The following MED9 variants were observed in gnomAD, a reference collection of about 807,000 sequenced individuals.
MED9 encodes the protein mediator complex subunit 9.
In MED9, 8 loss-of-function variants were observed where a neutral mutation model predicts 13.2. The ratio of observed to expected loss-of-function variants is 0.61; its 90% confidence interval spans 0.36 to 1.10. MED9 has a LOEUF of 1.10. Ranked by LOEUF, MED9 falls within the 50% of genes least tolerant of loss-of-function variation. The pLI, the probability that MED9 is intolerant of heterozygous loss-of-function variation, is 0.02. For synonymous variants in MED9, 87 were observed against 82.8 expected (o/e 1.05, Z -0.28); for missense variants, 180 against 193.4 (o/e 0.93, Z 0.41).
intron 1 of MED9, among the ~76,000 whole-genome samples, chr17:17,488,868 A>T (rs1905184505): frequency 6.6e-6 from 1 of 151,906 alleles, no homozygotes; most frequent in Admixed American, 6.6e-5. Flanking sequence ...ACAGTACCAC[A>T]GTAGTTGGGA....
Position 17,477,207 on chromosome 17 carries a change from C to G in MED9, c.166C>G (p.Arg56Gly), listed in dbSNP as rs1357446847. 6.2e-7 allele frequency: 1 copy of G among 1,610,600 alleles called. No homozygotes were observed. Among genetic ancestry groups the G allele is most frequent in the Admixed American group, 1.7e-5 (1 of 59,774 alleles). ...SPAPRPQSPARAREEENYSFL... is the reference protein window; with the variant it reads ...SPAPRPQSPAGAREEENYSFL... ...GGCGCCACGGCCTCAGTCACCTGCC[C>G]GCGCGAGGGAGGAAGAGAACTACTC... The change falls in exon 1 of 2, where the codon CGC becomes GGC. Residue 56 changes from arginine to glycine, a missense_variant. Coordinates refer to ENST00000268711, the MANE Select transcript of MED9 (RefSeq NM_018019.3).
intron 1 of MED9, among the ~76,000 whole-genome samples, chr17:17,482,671 TC>T (rs1905051491): frequency 6.6e-6 from 1 of 152,204 alleles, no homozygotes; most frequent in Non-Finnish European, 1.5e-5. Context: ...TGAGTTTTGG[TC>T]CTACTTAGAA....
At chr17:17,482,624 TGTA>T (rs1567636091) in intron 1 of MED9, among the ~76,000 whole-genome samples, 1 of 152,218 alleles carries the variant, frequency 6.6e-6, no homozygotes, top group African/African-American at 2.4e-5. Context: ...TATAATTTCA[TGTA>T]GTCAGATTTG....
intron 1 of MED9, chr17:17,477,592 A>C (rs1904946730): frequency 3.5e-6 from 1 of 288,642 alleles, no homozygotes; most frequent in Admixed American, 4.8e-5. Context: ...TCTCACCTTT[A>C]ATGTTGGTAA....
At chr17:17,485,584 C>T (rs950246825) in intron 1 of MED9, 46 of 363,520 alleles carry the variant, frequency 1.3e-4, no homozygotes, top group East Asian at 1.3e-3. Flanking sequence ...GGGGTCCTAG[C>T]GTGGCCAGTA....
At chr17:17,479,626 A>G (rs1904993866) in intron 1 of MED9, among the ~76,000 whole-genome samples, 1 of 152,036 alleles carries the variant, frequency 6.6e-6, no homozygotes, top group Admixed American at 6.6e-5. Flanking sequence ...GGAGTTCAAG[A>G]CCAGCCTGGG....
intron 1 of MED9, among the ~76,000 whole-genome samples, chr17:17,480,489 T>C (rs940852184): frequency 6.6e-6 from 1 of 152,102 alleles, no homozygotes; most frequent in African/African-American, 2.4e-5. Context: ...AGAAACCCCC[T>C]GGTAAGAAAG....
intron 1 of MED9, 47 bp downstream of exon 1, chr17:17,477,312 CCT>C (rs765439284): frequency 1.1e-5 from 16 of 1,512,262 alleles, no homozygotes; most frequent in Middle Eastern, 1.8e-4. Flanking sequence ...TCCAGCTTCT[CCT>C]CTCAGCCGTT....
chr17:17,491,493 TAG>T lies in MED9; in HGVS notation c.*1_*2del, dbSNP rs1905227026. The T allele has an allele frequency of 1.2e-6, 2 of 1,608,784 alleles. No homozygotes were observed. Among genetic ancestry groups the T allele is most frequent in the Non-Finnish European group, 1.7e-6 (2 of 1,175,636 alleles). ...SLCMFEIPKE[*>X] The stretch of plus-strand genomic sequence containing the variant: ...CTGCATGTTCGAAATCCCCAAGGAG[TAG>T]AGTGAGGCTGACTTCCTTAGAAAGA... On this transcript the variant is annotated frameshift_variant and stop_lost, in exon 2 of 2. Transcript: ENST00000268711. LOFTEE classifies it high-confidence loss of function.
chr17:17,478,851 C>G (rs34087993), intron 1 of MED9, among the ~76,000 whole-genome samples: 5 of 149,982 alleles, frequency 3.3e-5, no homozygotes, highest in African/African-American at 1.2e-4. Flanking sequence ...GAGCAAGACT[C>G]TGCCTCAAAA....
At chr17:17,488,816 A>C (rs1205303161) in intron 1 of MED9, among the ~76,000 whole-genome samples, 1 of 151,694 alleles carries the variant, frequency 6.6e-6, no homozygotes, top group Non-Finnish European at 1.5e-5. Context: ...CTGGGCAACG[A>C]GTAAAACTCT....
chr17:17,478,781 C>T (rs930982461), intron 1 of MED9, among the ~76,000 whole-genome samples: 9 of 151,512 alleles, frequency 5.9e-5, no homozygotes, highest in African/African-American at 1.9e-4. Flanking sequence ...CACTTGAACC[C>T]GGGAGGTGGA....
rs774398176 is a variant in MED9, at chr17:17,491,598, A to T, written c.*103A>T. 9.1e-7 allele frequency: 1 copy of T among 1,101,002 alleles called. No homozygotes were observed. Among genetic ancestry groups the T allele is most frequent in the Non-Finnish European group, 1.3e-6 (1 of 752,910 alleles). 68.2% of individuals were successfully genotyped at this position (1,101,002 alleles called of 1,614,324 possible). A position where few individuals can be genotyped will look rare whatever the true frequency, so the allele number is the denominator to read the frequency against. On this transcript the variant is annotated 3_prime_UTR_variant, in exon 2 of 2. Coordinates refer to ENST00000268711, the MANE Select transcript of MED9 (RefSeq NM_018019.3). ...GCGTGGTTCCTGTGGACCCCAGCTCAGCTCGTCAAGCTGCAGGGGCGGGGC... is the reference window on the plus strand; with the variant it reads ...GCGTGGTTCCTGTGGACCCCAGCTCTGCTCGTCAAGCTGCAGGGGCGGGGC...
At position 17,491,725 on chromosome 17, in the gene MED9, C is replaced by T; in HGVS notation, c.*230C>T. 1 of 518,718 alleles carries T rather than the reference C, an allele frequency of 1.9e-6. No homozygotes were observed. The highest frequency in any genetic ancestry group is 3.5e-6 in the Non-Finnish European group (1 of 288,330). 32.1% of individuals were successfully genotyped at this position (518,718 alleles called of 1,614,324 possible). A position where few individuals can be genotyped will look rare whatever the true frequency, so the allele number is the denominator to read the frequency against. ...ATCCATATGTCTAGATGCATAATAACTGGAGTGCCTGCTGGTGGAAGTCAG... is the reference window on the plus strand; with the variant it reads ...ATCCATATGTCTAGATGCATAATAATTGGAGTGCCTGCTGGTGGAAGTCAG... On this transcript the variant is annotated 3_prime_UTR_variant, in exon 2 of 2. Transcript: ENST00000268711.
intron 1 of MED9, among the ~76,000 whole-genome samples, chr17:17,490,890 T>G (rs927602700): frequency 3.3e-5 from 5 of 152,238 alleles, no homozygotes; most frequent in Non-Finnish European, 7.3e-5. Context: ...AACCAACATG[T>G]TCATGAGCTT....
Position 17,492,245 on chromosome 17 carries a change from GC to G in MED9, c.*751del, listed in dbSNP as rs1567641505. Reference sequence around the variant, plus strand: ...GTCAGTGCCCAAGAGTGGCCAAACCGCTTCACATCTGCAGTGCTTCCCCAGG... The same window carrying G: ...GTCAGTGCCCAAGAGTGGCCAAACCGTTCACATCTGCAGTGCTTCCCCAGG... On this transcript the variant is annotated 3_prime_UTR_variant, in exon 2 of 2. Transcript: ENST00000268711. 1 of 152,592 alleles carries G rather than the reference GC, an allele frequency of 6.6e-6. No individual in the cohort carries two copies. The highest frequency in any genetic ancestry group is 1.5e-5 in the Non-Finnish European group (1 of 68,366). 9.5% of individuals were successfully genotyped at this position (152,592 alleles called of 1,614,324 possible).
chr17:17,488,897 G>C (rs1318820915), intron 1 of MED9, among the ~76,000 whole-genome samples: 1 of 151,938 alleles, frequency 6.6e-6, no homozygotes, highest in African/African-American at 2.4e-5. Flanking sequence ...CTCTGACCTT[G>C]CCTTGTTTGT....
Position 17,491,464 on chromosome 17 carries a change from G to GCC in MED9, c.411_412dup (p.Leu138ProfsTer86). 1 of 1,613,894 alleles carries GCC rather than the reference G, an allele frequency of 6.2e-7. No individual in the cohort carries two copies. Among genetic ancestry groups the GCC allele is most frequent in the Non-Finnish European group, 8.5e-7 (1 of 1,179,872 alleles). ...AATGAGCTTCTGCAAAAGTACAAGA[G>GCC]CCTCTGCATGTTCGAAATCCCCAAG... On this transcript the variant is annotated frameshift_variant, in exon 2 of 2. Transcript: ENST00000268711. LOFTEE classifies it high-confidence loss of function.
In MED9 at chr17:17,491,537, CT is replaced by C. The variant is rs1905228397; in HGVS notation, c.*43del. 1 of 1,537,688 alleles carries C rather than the reference CT, an allele frequency of 6.5e-7. No homozygotes were observed. The highest frequency in any genetic ancestry group is 1.4e-5 in the African/African-American group (1 of 73,284). On this transcript the variant is annotated 3_prime_UTR_variant, in exon 2 of 2. Coordinates refer to ENST00000268711, the MANE Select transcript of MED9 (RefSeq NM_018019.3). ...TTAGAAAGAGGGGGAAGCCAATGGCCTGTCTCCCCACTACCATCCCCAAACG... is the reference window on the plus strand; with the variant it reads ...TTAGAAAGAGGGGGAAGCCAATGGCCGTCTCCCCACTACCATCCCCAAACG...
Sources: gnomAD v4.1 joint callset for allele counts (sites outside exome capture counted in the v4.1 genomes callset) on GRCh38, gnomAD v4.1.1 for gene constraint, MANE v1.5 for transcripts, NCBI Gene and HGNC (gene_info 2026-07-23, HGNC 2026-07-21) for gene names.